The following GALNT13 variants were observed in gnomAD, a reference collection of about 807,000 sequenced individuals.
GALNT13 encodes polypeptide N-acetylgalactosaminyltransferase 13.
In GALNT13, 28 loss-of-function variants were observed where a neutral mutation model predicts 64.2. The ratio of observed to expected loss-of-function variants is 0.44; its 90% CI spans 0.32 to 0.60. GALNT13 has a LOEUF of 0.60. GALNT13 is among the 20% of genes least tolerant of loss of function. The pLI is 0.05. For synonymous variants in GALNT13, 214 were observed against 224.6 expected, an observed-to-expected ratio of 0.95 and a Z score of 0.42; for missense variants, 577 against 669.8, an observed-to-expected ratio of 0.86 and a Z score of 1.53.
chr2:153,256,504 T>G, the GALNT13 span, among the ~76,000 whole-genome samples: 3 of 152,230 alleles, frequency 2.0e-5, no homozygotes, highest in Non-Finnish European at 4.4e-5. Context: ...GTTCCGTTGC[T>G]GGTGAGGAAC....
At chr2:154,148,422 G>A (rs886350427) in intron 4 of GALNT13, among the ~76,000 whole-genome samples, 6 of 152,110 alleles carry the variant, frequency 3.9e-5, no homozygotes, top group African/African-American at 1.4e-4. Context: ...ATGATTTATA[G>A]TCCTTTGGGT....
At chr2:154,214,220 A>G (rs768548275) in intron 4 of GALNT13, among the ~76,000 whole-genome samples, 1 of 152,190 alleles carries the variant, frequency 6.6e-6, no homozygotes, top group South Asian at 2.1e-4. Context: ...CTTTCTGACA[A>G]CCAATAACCA....
the GALNT13 span, among the ~76,000 whole-genome samples, chr2:153,166,177 G>A: frequency 6.6e-6 from 1 of 152,128 alleles, no homozygotes; most frequent in East Asian, 1.9e-4. Flanking sequence ...TTTGAGGTCT[G>A]TGTCTCCTGG....
intron 7 of GALNT13, among the ~76,000 whole-genome samples, chr2:154,246,941 A>C (rs1306792881): frequency 2.6e-5 from 4 of 152,082 alleles, no homozygotes; most frequent in Non-Finnish European, 4.4e-5. Context: ...CATTAAGTGA[A>C]GACTTACTGT....
At chr2:154,025,308 T>C (rs2105291341) in intron 3 of GALNT13, among the ~76,000 whole-genome samples, 1 of 152,248 alleles carries the variant, frequency 6.6e-6, no homozygotes, top group South Asian at 2.1e-4. Flanking sequence ...CCATCTTGGC[T>C]CCTCCCCCCA....
At chr2:153,567,023 A>G in the GALNT13 span, among the ~76,000 whole-genome samples, 1 of 152,152 alleles carries the variant, frequency 6.6e-6, no homozygotes, top group Admixed American at 6.5e-5. Flanking sequence ...AACTATTGAC[A>G]TATTTGTCCT....
chr2:153,787,932 A>G, the GALNT13 span, among the ~76,000 whole-genome samples: 1 of 152,178 alleles, frequency 6.6e-6, no homozygotes. Flanking sequence ...GAGACATAGG[A>G]GATTATGTAA....
the GALNT13 span, among the ~76,000 whole-genome samples, chr2:153,532,048 T>C: frequency 0.37 from 55,686 of 151,918 alleles, 11,144 homozygotes; most frequent in East Asian, 0.75. Flanking sequence ...TGTAGGACCA[T>C]GGCCTTCTTC....
chr2:153,458,468 G>A, the GALNT13 span, among the ~76,000 whole-genome samples: 3 of 151,924 alleles, frequency 2.0e-5, no homozygotes, highest in African/African-American at 7.3e-5. Context: ...TCTCTTTCAT[G>A]GTCACTACCC....
the GALNT13 span, among the ~76,000 whole-genome samples, chr2:153,614,017 T>TA: frequency 6.3e-4 from 92 of 145,644 alleles, no homozygotes; most frequent in East Asian, 0.012. Flanking sequence ...ATAATAATAA[T>TA]AAAAAAAAAA....
At chr2:153,289,952 A>C in the GALNT13 span, among the ~76,000 whole-genome samples, 2 of 152,192 alleles carry the variant, frequency 1.3e-5, no homozygotes, top group Admixed American at 6.5e-5. Flanking sequence ...ATGGATCAAA[A>C]TCCTGGCTAC....
the GALNT13 span, among the ~76,000 whole-genome samples, chr2:153,827,825 C>T: frequency 1.3e-5 from 2 of 152,152 alleles, no homozygotes; most frequent in East Asian, 1.9e-4. Context: ...CAAAGCAAGT[C>T]CCTTTCACCT....
intron 1 of GALNT13, among the ~76,000 whole-genome samples, chr2:153,882,892 A>G (rs1465653033): frequency 6.6e-6 from 1 of 151,512 alleles, no homozygotes; most frequent in Non-Finnish European, 1.5e-5. Context: ...AGGATCACAG[A>G]CATTTAAGAT....
At chr2:154,396,216 A>C in intron 10 of GALNT13, 86 bp downstream of exon 10, 1 of 817,486 alleles carries the variant, frequency 1.2e-6, no homozygotes, top group African/African-American at 1.8e-5. Context: ...TTATGTTATG[A>C]AAATGCTGTA....
At chr2:153,793,906 G>A in the GALNT13 span, among the ~76,000 whole-genome samples, 3 of 152,122 alleles carry the variant, frequency 2.0e-5, no homozygotes, top group Admixed American at 6.5e-5. Context: ...TCACAATGAT[G>A]CAATCTCCCA....
intron 9 of GALNT13, among the ~76,000 whole-genome samples, chr2:154,340,562 T>A (rs528686890): frequency 1.3e-5 from 2 of 152,258 alleles, no homozygotes; most frequent in East Asian, 3.9e-4. Context: ...ATATTGCTGT[T>A]GATGGTAAAA....
chr2:153,805,815 GGATTCT>G, the GALNT13 span, among the ~76,000 whole-genome samples: 1 of 151,848 alleles, frequency 6.6e-6, no homozygotes, highest in Non-Finnish European at 1.5e-5. Flanking sequence ...TTTGAAAGTA[GGATTCT>G]GATTCTTTAT....
At chr2:153,104,728 AT>A in the GALNT13 span, among the ~76,000 whole-genome samples, 1 of 152,154 alleles carries the variant, frequency 6.6e-6, no homozygotes, top group Non-Finnish European at 1.5e-5. Context: ...GAAAGAAAAA[AT>A]ATTCTGTAAC....
chr2:154,345,528 A>T lies in GALNT13; in HGVS notation c.1156+43939A>T, dbSNP rs1266269387. Among the ~76,000 whole-genome samples the T allele has an allele frequency of 2.0e-5, 3 of 152,214 alleles. No homozygotes were observed. The East Asian group carries it at 5.8e-4, about 29-fold the overall frequency. On this transcript the variant is annotated intron_variant, in intron 9 of 12. Coordinates refer to ENST00000392825, the MANE Select transcript of GALNT13 (RefSeq NM_052917.4). ...TGTGCCTAGATTGATTAAAGAACTGAGTTTTAAATTTTATTTACTTTAAAT... is the reference window on the plus strand; with the variant it reads ...TGTGCCTAGATTGATTAAAGAACTGTGTTTTAAATTTTATTTACTTTAAAT...
Sources: gnomAD v4.1 joint callset for allele counts (sites outside exome capture counted in the v4.1 genomes callset) on GRCh38, gnomAD v4.1.1 for gene constraint, MANE v1.5 for transcripts, NCBI Gene and HGNC (gene_info 2026-07-23, HGNC 2026-07-21) for gene names.